Variants in DLG2 observed in about 807,000 individuals in gnomAD.
DLG2 encodes the protein discs large MAGUK scaffold protein 2.
Under a neutral mutation model 132.5 loss-of-function variants are expected in DLG2, and 45 were observed. That is an observed-to-expected ratio of 0.34 (90% confidence interval 0.27 to 0.44). The LOEUF (loss-of-function observed/expected upper bound fraction) is 0.44, where lower values mean the gene tolerates loss of function less well. Ranked by LOEUF, DLG2 falls within the 20% of genes least tolerant of loss-of-function variation. The pLI, the probability that DLG2 is intolerant of heterozygous loss-of-function variation, is 1.00. For missense variants in DLG2, 1,045 were observed against 1,196.9 expected (o/e 0.87, Z 1.87); for synonymous variants, 424 against 419.6 (o/e 1.01, Z -0.13).
At chr11:85,544,419 G>A (rs916355610) in intron 3 of DLG2, among the ~76,000 whole-genome samples, 4 of 152,188 alleles carry the variant, frequency 2.6e-5, no homozygotes, top group Non-Finnish European at 5.9e-5. Context: ...TTGAAGTCAG[G>A]TAGTGTGATG....
chr11:85,167,464 T>C (rs1318393798), intron 4 of DLG2, among the ~76,000 whole-genome samples: 1 of 152,086 alleles, frequency 6.6e-6, no homozygotes, highest in Non-Finnish European at 1.5e-5. Flanking sequence ...AATCAGGAAG[T>C]TCACTCTCAC....
At chr11:84,855,132 G>A (rs1263768014) in intron 6 of DLG2, among the ~76,000 whole-genome samples, 1 of 151,958 alleles carries the variant, frequency 6.6e-6, no homozygotes, top group African/African-American at 2.4e-5. Flanking sequence ...TGAGGCCTGA[G>A]CTTCAACTGG....
rs141614948 is a variant in DLG2 at position 84,924,750 on chromosome 11, A to T, written c.357+186911T>A. ...GCTGGAGATCCTTGGGCAACGTAAG[A>T]GAAGGCAGCCACTTATTTTGATTTC... On this transcript the variant is annotated intron_variant, in intron 6 of 27. Transcript: ENST00000376104. Among the ~76,000 whole-genome samples the T allele has an allele frequency of 4.2e-3, 645 of 152,302 alleles. 7 individuals carry two copies. Among genetic ancestry groups the T allele is most frequent in the Non-Finnish European group, 7.9e-3 (536 of 68,028 alleles).
chr11:85,023,670 G>A (rs577518432), intron 6 of DLG2, among the ~76,000 whole-genome samples: 5 of 151,944 alleles, frequency 3.3e-5, no homozygotes, highest in Non-Finnish European at 5.9e-5. Flanking sequence ...GAAGTATATT[G>A]TACCTATATA....
intron 11 of DLG2, among the ~76,000 whole-genome samples, chr11:84,028,357 T>A (rs1256401770): frequency 6.6e-6 from 1 of 152,098 alleles, no homozygotes; most frequent in African/African-American, 2.4e-5. Flanking sequence ...GAATTTTGAC[T>A]ATTTGGCTTG....
chr11:84,060,526 C>T (rs541170586), intron 10 of DLG2, among the ~76,000 whole-genome samples: 1 of 92,914 alleles, frequency 1.1e-5, no homozygotes, highest in South Asian at 4.6e-4. Context: ...AATTCTACAT[C>T]AAACTTTCCT....
chr11:84,649,703 T>C (rs1431424147), intron 6 of DLG2, among the ~76,000 whole-genome samples: 1 of 152,206 alleles, frequency 6.6e-6, no homozygotes, highest in Non-Finnish European at 1.5e-5. Flanking sequence ...TGCAGCAAAA[T>C]AGTGAGGTGG....
At chr11:84,129,267 TC>T (rs1297125960) in intron 9 of DLG2, among the ~76,000 whole-genome samples, 1 of 152,078 alleles carries the variant, frequency 6.6e-6, no homozygotes, top group Non-Finnish European at 1.5e-5. Context: ...AAGGGTGAAG[TC>T]CCTGCAGTCC....
rs141112787 is a variant in DLG2, at chr11:83,909,990, T to G, written c.1496+20338A>C. 3.4e-3 allele frequency among the ~76,000 whole-genome samples: 521 copies of G among 152,244 alleles called. 2 individuals carry two copies. The highest frequency in any genetic ancestry group is 0.01 in the Middle Eastern group (3 of 294). On this transcript the variant is annotated intron_variant, in intron 15 of 27. Transcript: ENST00000376104. ...TAATTAAATTTGCTATCTGAAGATG[T>G]GGGAGATGTGTCTAATTATGCTAGG...
intron 18 of DLG2, among the ~76,000 whole-genome samples, chr11:83,698,581 T>C (rs1430824636): frequency 6.6e-6 from 1 of 152,222 alleles, no homozygotes; most frequent in Admixed American, 6.5e-5. Flanking sequence ...ACTTAAGGAC[T>C]GTAAGCTCTG....
At chr11:84,588,236 C>T (rs1327035802) in intron 6 of DLG2, among the ~76,000 whole-genome samples, 2 of 152,198 alleles carry the variant, frequency 1.3e-5, no homozygotes, top group African/African-American at 4.8e-5. Context: ...TGCAGTTTGA[C>T]TCCGCAATCC....
intron 4 of DLG2, among the ~76,000 whole-genome samples, chr11:85,189,203 G>A (rs1669142372): frequency 6.6e-6 from 1 of 152,082 alleles, no homozygotes; most frequent in South Asian, 2.1e-4. Context: ...AGTGCTTAAA[G>A]TTAAAAACAA....
chr11:84,368,413 C>G (rs766181793), intron 7 of DLG2, among the ~76,000 whole-genome samples: 5 of 151,802 alleles, frequency 3.3e-5, no homozygotes, highest in Non-Finnish European at 7.4e-5. Flanking sequence ...AATATTCTCC[C>G]AAGGTAAGGA....
rs369208665 is a variant in DLG2, at chr11:83,837,928, C to T, written c.1566-4158G>A. On this transcript the variant is annotated intron_variant, in intron 16 of 27. Coordinates refer to ENST00000376104, the MANE Select transcript of DLG2 (RefSeq NM_001142699.3). Reference sequence around the variant, plus strand: ...GAGAGAAATGGGGATACATTTTAAACGTAGAGGCCAACAGAATTTTCATGA... The same window carrying T: ...GAGAGAAATGGGGATACATTTTAAATGTAGAGGCCAACAGAATTTTCATGA... Among the ~76,000 whole-genome samples, 20 of 152,078 alleles carry T rather than the reference C, an allele frequency of 1.3e-4. 1 individual carries two copies. In the East Asian group the frequency reaches 3.7e-3, roughly 28 times the overall value.
intron 6 of DLG2, among the ~76,000 whole-genome samples, chr11:84,621,647 T>A (rs2099614155): frequency 1.3e-5 from 2 of 152,270 alleles, no homozygotes; most frequent in South Asian, 4.1e-4. Flanking sequence ...GGAAGAGAAC[T>A]AAAAGCAGGG....
At chr11:85,271,434 G>A (rs2077521984) in intron 4 of DLG2, among the ~76,000 whole-genome samples, 1 of 152,230 alleles carries the variant, frequency 6.6e-6, no homozygotes, top group Non-Finnish European at 1.5e-5. Context: ...CCCCCACACA[G>A]AGTCCCCACT....
chr11:83,662,731 A>C (rs2074612096), intron 18 of DLG2, among the ~76,000 whole-genome samples: 1 of 152,316 alleles, frequency 6.6e-6, no homozygotes, highest in East Asian at 1.9e-4. Flanking sequence ...CTGTATTACA[A>C]GATCAGGAAG....
chr11:83,906,102 TATAC>T (rs1565583738), intron 15 of DLG2, among the ~76,000 whole-genome samples: 36 of 75,144 alleles, frequency 4.8e-4, no homozygotes, highest in African/African-American at 1.8e-3. Flanking sequence ...TATATATATA[TATAC>T]ATATATAGTT....
intron 4 of DLG2, among the ~76,000 whole-genome samples, chr11:85,219,268 C>G (rs1337021627): frequency 6.6e-6 from 1 of 152,106 alleles, no homozygotes; most frequent in Non-Finnish European, 1.5e-5. Flanking sequence ...TTCATAAAAG[C>G]TTTTTCTGAC....
Sources: allele counts gnomAD v4.1 joint callset (sites outside exome capture counted in the v4.1 genomes callset), GRCh38; gene constraint gnomAD v4.1.1; transcripts MANE v1.5; gene names NCBI Gene and HGNC (gene_info 2026-07-23, HGNC 2026-07-21).